Variants in PGM2L1 observed in about 807,000 individuals in gnomAD.
PGM2L1 encodes the protein glucose 1,6-bisphosphate synthase.
A neutral mutation model predicts 73.4 loss-of-function variants in PGM2L1; 35 were observed. That is an observed-to-expected ratio of 0.48 (90% CI 0.36 to 0.63). PGM2L1 has a LOEUF of 0.63. PGM2L1 is among the 30% of genes least tolerant of loss of function. The pLI, the probability that PGM2L1 is intolerant of heterozygous loss-of-function variation, is 0.00. For missense variants in PGM2L1, 570 were observed against 742.0 expected, an observed-to-expected ratio of 0.77 and a Z score of 2.69; for synonymous variants, 225 against 253.8, an observed-to-expected ratio of 0.89 and a Z score of 1.08.
At chr11:74,372,992 G>A (rs1031941640) in intron 2 of PGM2L1, among the ~76,000 whole-genome samples, 1 of 151,258 alleles carries the variant, frequency 6.6e-6, no homozygotes, top group Non-Finnish European at 1.5e-5. Context: ...ATATGCATTA[G>A]GTTGGTGGAA....
At chr11:74,389,621 G>A (rs112599069) in intron 1 of PGM2L1, among the ~76,000 whole-genome samples, 7,240 of 150,858 alleles carry the variant, frequency 0.048, 220 homozygotes, top group Middle Eastern at 0.092. Flanking sequence ...CTAATTTTTT[G>A]TATTTTTAAC....
At chr11:74,389,014 G>A (rs1216250599) in intron 1 of PGM2L1, among the ~76,000 whole-genome samples, 1 of 152,190 alleles carries the variant, frequency 6.6e-6, no homozygotes, top group East Asian at 1.9e-4. Flanking sequence ...GTAAAAACAG[G>A]TTTCTCCATG....
chr11:74,381,373 G>C (rs1343647249), intron 1 of PGM2L1, among the ~76,000 whole-genome samples: 1 of 152,028 alleles, frequency 6.6e-6, no homozygotes, highest in Non-Finnish European at 1.5e-5. Flanking sequence ...CCATTAAACA[G>C]AGAGGACTCT....
chr11:74,396,286 A>C (rs956236268), intron 1 of PGM2L1, among the ~76,000 whole-genome samples: 2 of 143,624 alleles, frequency 1.4e-5, no homozygotes, highest in Non-Finnish European at 3.0e-5. Flanking sequence ...AAAAAAAATC[A>C]ATCAGGAGAC....
chr11:74,392,656 CTCAG>C (rs1168090567), intron 1 of PGM2L1, among the ~76,000 whole-genome samples: 4 of 152,252 alleles, frequency 2.6e-5, no homozygotes, highest in African/African-American at 9.6e-5. Flanking sequence ...ATTCTCCTGC[CTCAG>C]CCTCCCGAGT....
chr11:74,391,456 A>G (rs1045149982), intron 1 of PGM2L1, among the ~76,000 whole-genome samples: 2 of 151,150 alleles, frequency 1.3e-5, no homozygotes, highest in Non-Finnish European at 3.0e-5. Flanking sequence ...CATATTTCCT[A>G]TTTCCTTTTG....
chr11:74,378,598 C>T (rs1416479285), intron 1 of PGM2L1, among the ~76,000 whole-genome samples: 1 of 152,070 alleles, frequency 6.6e-6, no homozygotes, highest in Non-Finnish European at 1.5e-5. Flanking sequence ...TCAAATTTTA[C>T]CTGTATACCA....
At chr11:74,351,277 T>G in intron 6 of PGM2L1, 106 bp downstream of exon 6, 2 of 1,090,638 alleles carry the variant, frequency 1.8e-6, no homozygotes, top group Non-Finnish European at 2.6e-6. Context: ...ACTATTTAGC[T>G]ATAATTTTAA....
intron 5 of PGM2L1, among the ~76,000 whole-genome samples, chr11:74,356,053 C>CT (rs879312654): frequency 1.0e-3 from 143 of 142,566 alleles, no homozygotes; most frequent in African/African-American, 1.5e-3. Flanking sequence ...GAATAAATGT[C>CT]TTTTTTTTTT....
At chr11:74,345,280 T>C (rs1862244793) in intron 9 of PGM2L1, among the ~76,000 whole-genome samples, 189 bp downstream of exon 9, 1 of 152,184 alleles carries the variant, frequency 6.6e-6, no homozygotes, top group South Asian at 2.1e-4. Context: ...CAGAAATTCA[T>C]ATACGGTACT....
chr11:74,389,930 C>T (rs1863070050), intron 1 of PGM2L1, among the ~76,000 whole-genome samples: 1 of 90,626 alleles, frequency 1.1e-5, no homozygotes. Flanking sequence ...GGTGAAACCC[C>T]GTCCCTACTA....
At chr11:74,387,266 C>T (rs987604734) in intron 1 of PGM2L1, among the ~76,000 whole-genome samples, 26 of 152,252 alleles carry the variant, frequency 1.7e-4, no homozygotes, top group African/African-American at 6.0e-4. Context: ...AGGTTGGGGT[C>T]AGATCCCAAA....
chr11:74,371,689 T>G, intron 3 of PGM2L1, 22 bp downstream of exon 3: 1 of 1,585,852 alleles, frequency 6.3e-7, no homozygotes, highest in Non-Finnish European at 8.7e-7. Flanking sequence ...CAACTTAATC[T>G]TTGAAACAAT....
chr11:74,357,387 C>T lies in PGM2L1; in HGVS notation c.556-5811G>A, dbSNP rs530273657. On this transcript the variant is annotated intron_variant, in intron 5 of 13. Coordinates refer to ENST00000298198, the MANE Select transcript of PGM2L1 (RefSeq NM_173582.6). The stretch of plus-strand genomic sequence containing the variant: ...TAAAAAAGCAAAACAGACACTTCAC[C>T]GAAAGAATACACAGATGGTAAAGAA... Among the ~76,000 whole-genome samples, 17 of 152,122 alleles carry T rather than the reference C, an allele frequency of 1.1e-4. 1 individual carries two copies. Among genetic ancestry groups the T allele is most frequent in the Admixed American group, 3.3e-4 (5 of 15,274 alleles).
chr11:74,378,710 T>A (rs186873494), intron 1 of PGM2L1, among the ~76,000 whole-genome samples: 8 of 152,298 alleles, frequency 5.3e-5, no homozygotes, highest in Non-Finnish European at 7.4e-5. Flanking sequence ...TGGAGTTTTC[T>A]TTTTTCTATA....
Position 74,398,269 on chromosome 11 carries a change from G to C in PGM2L1, c.-108C>G, listed in dbSNP as rs1452555287. On this transcript the variant is annotated 5_prime_UTR_variant, in exon 1 of 14. Coordinates refer to ENST00000298198, the MANE Select transcript of PGM2L1 (RefSeq NM_173582.6). Reference sequence around the variant, plus strand: ...GTCCAGGCGTCCCCACCTCACTGAAGGGCATCGGAGACCAACCGCAGGGTG... The same window carrying C: ...GTCCAGGCGTCCCCACCTCACTGAACGGCATCGGAGACCAACCGCAGGGTG... 7.1e-7 allele frequency: 1 copy of C among 1,405,066 alleles called. No homozygotes were observed. Among genetic ancestry groups the C allele is most frequent in the Non-Finnish European group, 9.3e-7 (1 of 1,074,024 alleles). The allele number at this position is 1,405,066 out of a possible 1,614,324, so 87.0% of individuals were successfully genotyped here. A position where few individuals can be genotyped will look rare whatever the true frequency, so the allele number is the denominator to read the frequency against.
Position 74,345,762 on chromosome 11 carries a change from T to C in PGM2L1, c.1038-113A>G, listed in dbSNP as rs746888412. 7.8e-6 allele frequency: 7 copies of C among 901,914 alleles called. No individual in the cohort carries two copies. The South Asian group carries it at 1.1e-4, about 14-fold the overall frequency. 55.9% of individuals were successfully genotyped at this position (901,914 alleles called of 1,614,324 possible). A position where few individuals can be genotyped will look rare whatever the true frequency, so the allele number is the denominator to read the frequency against. ...TTAGGAAAAATCAAAAACTATCATA[T>C]GGGATTTTTGAGAAAACATTTATTA... is the stretch of plus-strand genomic sequence containing the variant. On this transcript the variant is annotated intron_variant, in intron 8 of 13. Transcript: ENST00000298198.
intron 1 of PGM2L1, among the ~76,000 whole-genome samples, chr11:74,381,887 C>T (rs533395793): frequency 3.3e-5 from 5 of 151,940 alleles, no homozygotes; most frequent in Admixed American, 2.0e-4. Flanking sequence ...ATACCCAGCA[C>T]GCTAACCATT....
intron 5 of PGM2L1, chr11:74,354,936 C>T: frequency 1.1e-6 from 1 of 925,096 alleles, no homozygotes; most frequent in Non-Finnish European, 1.8e-6. Context: ...GACTGTCATT[C>T]AGAAATACCA....
Sources: gnomAD v4.1 joint callset for allele counts (sites outside exome capture counted in the v4.1 genomes callset) on GRCh38, gnomAD v4.1.1 for gene constraint, MANE v1.5 for transcripts, NCBI Gene and HGNC (gene_info 2026-07-23, HGNC 2026-07-21) for gene names.